Variants in WIPF2 observed in about 807,000 individuals in gnomAD.
WIPF2 encodes the protein WAS/WASL interacting protein family member 2.
A neutral mutation model predicts 38.8 loss-of-function variants in WIPF2; 23 were observed. The observed-to-expected ratio is 0.59, with a 90% CI of 0.43 to 0.84. The LOEUF is 0.84. WIPF2 is among the 40% of genes least tolerant of loss of function. The probability of loss-of-function intolerance (pLI) is 0.00; values close to 1 mark genes in which losing one functional copy is unlikely to be tolerated. For synonymous variants in WIPF2, 210 were observed against 223.2 expected, an observed-to-expected ratio of 0.94 and a Z score of 0.53; for missense variants, 574 against 580.5, an observed-to-expected ratio of 0.99 and a Z score of 0.11.
chr17:40,220,080 G>T (rs2145255694), intron 1 of WIPF2, among the ~76,000 whole-genome samples: 1 of 152,222 alleles, frequency 6.6e-6, no homozygotes, highest in South Asian at 2.1e-4. Flanking sequence ...GTTAAGATGC[G>T]CATTGGAACG....
chr17:40,254,887 C>T (rs1044848620), intron 1 of WIPF2, among the ~76,000 whole-genome samples: 19 of 151,736 alleles, frequency 1.3e-4, no homozygotes, highest in East Asian at 7.8e-4. Context: ...CATGTCATCA[C>T]GCCCAGCTAA....
At chr17:40,264,351 AAAGAAAAAC>A in intron 4 of WIPF2, 130 bp from the exon 5 acceptor site, 1 of 665,914 alleles carries the variant, frequency 1.5e-6, no homozygotes, top group Non-Finnish European at 2.4e-6. Context: ...AAAAAAAAAA[AAAGAAAAAC>A]AAAAAACCCA....
intron 7 of WIPF2, among the ~76,000 whole-genome samples, chr17:40,277,723 C>CTTTTTTCTTTTTTTTTTTTTTTTTTTTTT (rs2032446727): frequency 1.0e-5 from 1 of 97,638 alleles, no homozygotes; most frequent in African/African-American, 5.6e-5. Flanking sequence ...CTTCGTTGTC[C>CTTTTTTCTTTTTTTTTTTTTTTTTTTTTT]TTTTTTTTTT....
At chr17:40,273,224 G>A (rs560427973) in intron 5 of WIPF2, among the ~76,000 whole-genome samples, 4 of 152,010 alleles carry the variant, frequency 2.6e-5, no homozygotes, top group Admixed American at 1.3e-4. Context: ...TAGTAGAGAT[G>A]GAGTTTCATC....
At chr17:40,275,240 CAA>C (rs58914738) in intron 6 of WIPF2, among the ~76,000 whole-genome samples, 238 of 60,172 alleles carry the variant, frequency 4.0e-3, no homozygotes, top group African/African-American at 0.014. Context: ...GACTCCGTCT[CAA>C]AAAAAAAAAA....
chr17:40,271,586 G>A (rs2032248523), intron 5 of WIPF2, among the ~76,000 whole-genome samples: 4 of 152,170 alleles, frequency 2.6e-5, no homozygotes, highest in Admixed American at 2.6e-4. Context: ...TGGTTGGGAA[G>A]ATACTATGCA....
rs745371107 is a variant in WIPF2 at position 40,265,063 on chromosome 17, C to T, written c.887C>T (p.Pro296Leu). The T allele has an allele frequency of 2.5e-6, 4 of 1,614,070 alleles. No homozygotes were observed. Among genetic ancestry groups the T allele is most frequent in the Non-Finnish European group, 3.4e-6 (4 of 1,180,034 alleles). ...CCAGGGCCTGTCAGAGGCCTAGCAC[C>T]TCCTCCACCCACCTCGGCCTCCCCA... The part of the protein sequence containing the change: ...KTPGPVRGLA[P>L]PPPTSASPSL... Residue 296 changes from proline (P) to leucine (L), a missense_variant, in exon 5 of 8, where the codon CCT becomes CTT. Physicochemically the swap from Pro to Leu is moderately conservative, Grantham distance 98. Coordinates refer to ENST00000323571, the MANE Select transcript of WIPF2 (RefSeq NM_133264.5).
At chr17:40,233,644 A>G (rs1163202553) in intron 1 of WIPF2, among the ~76,000 whole-genome samples, 1 of 152,050 alleles carries the variant, frequency 6.6e-6, no homozygotes, top group South Asian at 2.1e-4. Context: ...CCATTCTTAC[A>G]TATTATCTGT....
At chr17:40,236,607 CTT>C (rs56250344) in intron 1 of WIPF2, among the ~76,000 whole-genome samples, 33 of 133,436 alleles carry the variant, frequency 2.5e-4, no homozygotes, top group Admixed American at 3.9e-4. Context: ...CACTCAGCCT[CTT>C]TTTTTTTTTT....
At position 40,280,233 on chromosome 17, in the gene WIPF2, C is replaced by G. The variant is rs1163292125; in HGVS notation, c.*2008C>G. ...CCTGTAATCTCAGCAATTTGGGAGG[C>G]CGAGGCGGGCGGATCACCTGAGGTC... On this transcript the variant is annotated 3_prime_UTR_variant, in exon 8 of 8. Coordinates refer to ENST00000323571, the MANE Select transcript of WIPF2 (RefSeq NM_133264.5). The G allele has an allele frequency of 4.6e-5, 7 of 152,226 alleles. No homozygotes were observed. In the East Asian group the frequency reaches 1.3e-3, roughly 29 times the overall value. The allele number at this position is 152,226 out of a possible 1,614,324, so 9.4% of individuals were successfully genotyped here.
At chr17:40,228,015 T>TG (rs1242467236) in intron 1 of WIPF2, among the ~76,000 whole-genome samples, 1 of 117,646 alleles carries the variant, frequency 8.5e-6, no homozygotes, top group African/African-American at 3.4e-5. Context: ...TTTTTGTTTT[T>TG]TTTTTTTTTT....
In WIPF2 at chr17:40,277,723, C is replaced by CTTTTTTTTTTTTTTTTT. The variant is rs528401568; in HGVS notation, c.1283-459_1283-443dup. ...ATTGCTTCTCATCATCTTCGTTGTC[C>CTTTTTTTTTTTTTTTTT]TTTTTTTTTTTTTTTTTTTGAGATA... On this transcript the variant is annotated intron_variant, in intron 7 of 7. Transcript: ENST00000323571. Among the ~76,000 whole-genome samples the CTTTTTTTTTTTTTTTTT allele has an allele frequency of 5.5e-4, 54 of 97,614 alleles. 9 individuals are homozygous for CTTTTTTTTTTTTTTTTT. The highest frequency in any genetic ancestry group is 2.3e-3 in the African/African-American group (41 of 17,938). The allele number at this position is 97,614 out of a possible 152,430, so 64.0% of individuals were successfully genotyped here. A position where few individuals can be genotyped will look rare whatever the true frequency, so the allele number is the denominator to read the frequency against.
At chr17:40,239,082 A>G (rs1427633223) in intron 1 of WIPF2, among the ~76,000 whole-genome samples, 1 of 147,844 alleles carries the variant, frequency 6.8e-6, no homozygotes, top group African/African-American at 2.5e-5. Context: ...TTATTTATTT[A>G]TTTATTTGAG....
chr17:40,226,832 C>T (rs1307993263), intron 1 of WIPF2, among the ~76,000 whole-genome samples: 1 of 152,134 alleles, frequency 6.6e-6, no homozygotes, highest in Non-Finnish European at 1.5e-5. Flanking sequence ...GCCTCTGCCT[C>T]CTGAGTTCAA....
intron 1 of WIPF2, among the ~76,000 whole-genome samples, chr17:40,229,988 G>A (rs1172936304): frequency 1.3e-5 from 2 of 152,162 alleles, no homozygotes; most frequent in African/African-American, 4.8e-5. Flanking sequence ...CTGGAGCTTA[G>A]GGAGTGAAAA....
chr17:40,266,748 G>C (rs1457876943), intron 5 of WIPF2, among the ~76,000 whole-genome samples: 1 of 151,922 alleles, frequency 6.6e-6, no homozygotes, highest in Non-Finnish European at 1.5e-5. Flanking sequence ...TAGGAGAGAG[G>C]GAAAAAATTG....
intron 1 of WIPF2, among the ~76,000 whole-genome samples, chr17:40,248,880 TGAA>T (rs1277344657): frequency 2.0e-5 from 3 of 152,204 alleles, no homozygotes; most frequent in African/African-American, 7.2e-5. Context: ...AAACATATAT[TGAA>T]GAAATAAAGA....
chr17:40,280,499 G>A lies in WIPF2; in HGVS notation c.*2274G>A. On this transcript the variant is annotated 3_prime_UTR_variant, in exon 8 of 8. Transcript: ENST00000323571. ...ACAAACAAACCAAACAACTGAGAGA[G>A]GGCATGCTAGTGGAGGGAAAAGGAG... 1 of 153,622 alleles carries A rather than the reference G, an allele frequency of 6.5e-6. No homozygotes were observed. The highest frequency in any genetic ancestry group is 1.5e-5 in the Non-Finnish European group (1 of 68,720). The allele number at this position is 153,622 out of a possible 1,614,324, so 9.5% of individuals were successfully genotyped here. A position where few individuals can be genotyped will look rare whatever the true frequency, so the allele number is the denominator to read the frequency against.
chr17:40,268,140 G>A (rs2032147141), intron 5 of WIPF2, among the ~76,000 whole-genome samples: 1 of 151,996 alleles, frequency 6.6e-6, no homozygotes, highest in Non-Finnish European at 1.5e-5. Flanking sequence ...ACAGCAAGAC[G>A]TTGTCCCAAA....
Sources: gnomAD v4.1 joint callset for allele counts (sites outside exome capture counted in the v4.1 genomes callset) on GRCh38, gnomAD v4.1.1 for gene constraint, MANE v1.5 for transcripts, NCBI Gene and HGNC (gene_info 2026-07-23, HGNC 2026-07-21) for gene names.